Variants in SLC44A1 observed in about 807,000 individuals in gnomAD.
SLC44A1 encodes the protein solute carrier family 44 member 1, also known as choline transporter-like protein 1.
In SLC44A1, 26 loss-of-function variants were observed where a neutral mutation model predicts 79.3. The ratio of observed to expected loss-of-function variants is 0.33; its 90% CI spans 0.24 to 0.46. SLC44A1 has a LOEUF of 0.46. Among genes scored for constraint, SLC44A1 ranks in the 20% least tolerant of loss-of-function variants. The pLI, the probability that SLC44A1 is intolerant of heterozygous loss-of-function variation, is 1.00. For synonymous variants in SLC44A1, 263 were observed against 286.2 expected, an observed-to-expected ratio of 0.92 and a Z score of 0.82; for missense variants, 688 against 798.1, an observed-to-expected ratio of 0.86 and a Z score of 1.66.
At chr9:105,375,659 A>G (rs1294928753) in intron 13 of SLC44A1, among the ~76,000 whole-genome samples, 1 of 152,190 alleles carries the variant, frequency 6.6e-6, no homozygotes, top group Non-Finnish European at 1.5e-5. Flanking sequence ...TATTATATAT[A>G]AGCCCCTTCA....
chr9:105,354,068 T>G (rs1827539630), intron 5 of SLC44A1, among the ~76,000 whole-genome samples: 2 of 138,924 alleles, frequency 1.4e-5, no homozygotes, highest in Non-Finnish European at 3.1e-5. Context: ...TTTTTTTTTT[T>G]GAGACGGAGT....
chr9:105,333,555 A>G (rs930971931), intron 3 of SLC44A1, among the ~76,000 whole-genome samples: 2 of 152,208 alleles, frequency 1.3e-5, no homozygotes, highest in Admixed American at 6.5e-5. Context: ...CATACCTGTA[A>G]TCCCAGCACT....
intron 1 of SLC44A1, among the ~76,000 whole-genome samples, chr9:105,256,422 G>A (rs1829707470): frequency 6.6e-6 from 1 of 152,118 alleles, no homozygotes. Context: ...AGATAAAAAT[G>A]TATTTCTTAC....
At chr9:105,286,115 A>G (rs977796336) in intron 1 of SLC44A1, among the ~76,000 whole-genome samples, 2 of 152,198 alleles carry the variant, frequency 1.3e-5, no homozygotes, top group Admixed American at 1.3e-4. Flanking sequence ...AAAATTTTTT[A>G]TTTTAGATAA....
At chr9:105,327,399 C>CAGCCTCCAAGT in intron 3 of SLC44A1, among the ~76,000 whole-genome samples, 1 of 152,202 alleles carries the variant, frequency 6.6e-6, no homozygotes, top group East Asian at 1.9e-4. Flanking sequence ...TCTCCTGCCT[C>CAGCCTCCAAGT]AGCCTCCCAA....
chr9:105,427,687 G>C (rs1192605345), intron 15 of SLC44A1, among the ~76,000 whole-genome samples: 1 of 151,976 alleles, frequency 6.6e-6, no homozygotes. Context: ...CCTTTAGATA[G>C]ACTTCTGGAA....
At chr9:105,290,741 A>G (rs1187295107) in intron 1 of SLC44A1, among the ~76,000 whole-genome samples, 4 of 152,220 alleles carry the variant, frequency 2.6e-5, no homozygotes, top group Non-Finnish European at 5.9e-5. Context: ...TTCTATCACT[A>G]TATAAATACC....
At chr9:105,369,014 G>A (rs911320701) in intron 12 of SLC44A1, among the ~76,000 whole-genome samples, 1 of 152,100 alleles carries the variant, frequency 6.6e-6, no homozygotes, top group Non-Finnish European at 1.5e-5. Context: ...TTCCAGCCTG[G>A]GCAACAGAGT....
chr9:105,424,938 G>C (rs1258552587), intron 15 of SLC44A1, among the ~76,000 whole-genome samples: 2 of 134,930 alleles, frequency 1.5e-5, no homozygotes, highest in African/African-American at 3.3e-5. Flanking sequence ...AACAGAGTAA[G>C]ACTCCATCTC....
intron 1 of SLC44A1, among the ~76,000 whole-genome samples, chr9:105,256,429 T>C (rs146781712): frequency 5.4e-4 from 82 of 152,308 alleles, no homozygotes; most frequent in South Asian, 1.9e-3. Flanking sequence ...AATGTATTTC[T>C]TACCCAAAGT....
chr9:105,395,203 TG>T lies in SLC44A1; in HGVS notation c.*6152del, dbSNP rs1336701445. 8 of 984,708 alleles carry T rather than the reference TG, an allele frequency of 8.1e-6. No individual in the cohort carries two copies. The highest frequency in any genetic ancestry group is 4.7e-5 in the South Asian group (1 of 21,260). 61.0% of individuals were successfully genotyped at this position (984,708 alleles called of 1,614,324 possible). ...CCCACCCCACACTCCTAGAAAAGTT[TG>T]GGGGTTTTTTTTGTTTGTTTTTGGT... On this transcript the variant is annotated 3_prime_UTR_variant, in exon 16 of 16. Transcript: ENST00000374720.
At chr9:105,288,759 T>G (rs553443273) in intron 1 of SLC44A1, among the ~76,000 whole-genome samples, 9 of 152,358 alleles carry the variant, frequency 5.9e-5, no homozygotes, top group African/African-American at 1.9e-4. Flanking sequence ...ACCAATGTTA[T>G]CAGCGTTCTG....
chr9:105,422,357 C>T (rs1364678502), intron 15 of SLC44A1, among the ~76,000 whole-genome samples: 4 of 142,054 alleles, frequency 2.8e-5, no homozygotes, highest in African/African-American at 1.0e-4. Flanking sequence ...GGCACCATCT[C>T]GGCTCACTGC....
At chr9:105,285,610 G>A (rs1430921098) in intron 1 of SLC44A1, among the ~76,000 whole-genome samples, 2 of 152,328 alleles carry the variant, frequency 1.3e-5, no homozygotes, top group East Asian at 3.9e-4. Context: ...GTTCTTATAG[G>A]TTTTGGGATA....
intron 1 of SLC44A1, among the ~76,000 whole-genome samples, chr9:105,293,156 C>T (rs1204687830): frequency 6.6e-6 from 1 of 151,586 alleles, no homozygotes; most frequent in Non-Finnish European, 1.5e-5. Context: ...GATCCTGTCT[C>T]GAAAAAAAAG....
At chr9:105,428,664 C>T (rs1027910246) in intron 15 of SLC44A1, among the ~76,000 whole-genome samples, 2 of 152,180 alleles carry the variant, frequency 1.3e-5, no homozygotes, top group Non-Finnish European at 2.9e-5. Context: ...TATGCATTCA[C>T]TACTAGAATT....
intron 3 of SLC44A1, among the ~76,000 whole-genome samples, chr9:105,334,100 C>A (rs1366379485): frequency 6.6e-6 from 1 of 152,160 alleles, no homozygotes; most frequent in Non-Finnish European, 1.5e-5. Context: ...GTATGCCCTG[C>A]TTCCTTGTTA....
chr9:105,406,939 AAG>A (rs1431530729), intron 15 of SLC44A1, among the ~76,000 whole-genome samples: 2 of 152,164 alleles, frequency 1.3e-5, no homozygotes, highest in African/African-American at 2.4e-5. Context: ...AATGATAAAA[AAG>A]GGAACCAAAT....
intron 1 of SLC44A1, among the ~76,000 whole-genome samples, chr9:105,261,723 G>A (rs1829842860): frequency 6.6e-6 from 1 of 150,638 alleles, no homozygotes; most frequent in African/African-American, 2.4e-5. Flanking sequence ...ACGGAGGGGT[G>A]TAGCTTTGTC....
Sources: allele counts gnomAD v4.1 joint callset (sites outside exome capture counted in the v4.1 genomes callset), GRCh38; gene constraint gnomAD v4.1.1; transcripts MANE v1.5; gene names NCBI Gene and HGNC (gene_info 2026-07-23, HGNC 2026-07-21).